CDH13: variants seen among roughly 807,000 people sequenced by gnomAD.
CDH13 encodes cadherin 13.
Under a neutral mutation model 63.8 loss-of-function variants are expected in CDH13, and 24 were observed. The ratio of observed to expected loss-of-function variants is 0.38; its 90% CI spans 0.27 to 0.53. The LOEUF is 0.53. CDH13 is among the 20% of genes least tolerant of loss of function. The probability of loss-of-function intolerance (pLI) is 0.85; values close to 1 mark genes in which losing one functional copy is unlikely to be tolerated. For missense variants in CDH13, 1,049 were observed against 903.1 expected (o/e 1.16, Z -2.07); for synonymous variants, 503 against 355.3 (o/e 1.42, Z -4.67).
rs1365644782 is a variant in CDH13, at chr16:83,799,352, A to G, written c.*4322A>G. On this transcript the variant is annotated 3_prime_UTR_variant, in exon 14 of 14. Transcript: ENST00000567109. The stretch of plus-strand genomic sequence containing the variant: ...AAAGGAAATTTATGAACTCCAGAGT[A>G]CCCATTCACTACCAAACCAACTGAG... 4.6e-5 allele frequency: 7 copies of G among 151,862 alleles called. No individual in the cohort carries two copies. Among genetic ancestry groups the G allele is most frequent in the Non-Finnish European group, 1.0e-4 (7 of 68,054 alleles). The allele number at this position is 151,862 out of a possible 1,614,324, so 9.4% of individuals were successfully genotyped here.
chr16:83,629,391 T>C (rs1910586695), intron 8 of CDH13, among the ~76,000 whole-genome samples: 1 of 152,230 alleles, frequency 6.6e-6, no homozygotes, highest in Non-Finnish European at 1.5e-5. Context: ...ACTGTTATTT[T>C]ATAAATGAAT....
chr16:83,505,917 T>C (rs1255203751), intron 7 of CDH13, among the ~76,000 whole-genome samples: 2 of 152,220 alleles, frequency 1.3e-5, no homozygotes, highest in African/African-American at 2.4e-5. Flanking sequence ...AGCATGTTCC[T>C]TCCTTCAACA....
Position 82,860,404 on chromosome 16 carries a change from G to A in CDH13, c.157+1931G>A, listed in dbSNP as rs577603479. On this transcript the variant is annotated intron_variant, in intron 2 of 13. Transcript: ENST00000567109. ...GTGTGTGTGTGGGGGGGGGGGCGGC[G>A]GTGTGCGTGTGTGCTTTAATCCCCT... 2.2e-3 allele frequency among the ~76,000 whole-genome samples: 319 copies of A among 146,708 alleles called. 2 individuals are homozygous for A. The highest frequency in any genetic ancestry group is 3.7e-3 in the Non-Finnish European group (247 of 66,448).
intron 7 of CDH13, among the ~76,000 whole-genome samples, chr16:83,539,579 G>C (rs1359542490): frequency 6.6e-6 from 1 of 152,216 alleles, no homozygotes; most frequent in Non-Finnish European, 1.5e-5. Flanking sequence ...GCACAGAGAT[G>C]AGCATGAGGG....
At chr16:83,277,217 C>G (rs2089019549) in intron 5 of CDH13, among the ~76,000 whole-genome samples, 1 of 152,186 alleles carries the variant, frequency 6.6e-6, no homozygotes, top group Non-Finnish European at 1.5e-5. Context: ...GAGAGGTTTT[C>G]TCACTCATGG....
At chr16:83,728,174 C>G (rs567356530) in intron 10 of CDH13, among the ~76,000 whole-genome samples, 48 of 152,248 alleles carry the variant, frequency 3.2e-4, no homozygotes, top group Non-Finnish European at 5.9e-4. Context: ...ACGTCTCTGT[C>G]TCAGAGTCTA....
intron 7 of CDH13, among the ~76,000 whole-genome samples, chr16:83,544,630 A>G (rs561117063): frequency 1.3e-5 from 2 of 152,304 alleles, no homozygotes; most frequent in East Asian, 1.9e-4. Flanking sequence ...CCAGAAAAAG[A>G]CTAGAATTCA....
chr16:83,748,475 C>G (rs1912796492), intron 11 of CDH13, among the ~76,000 whole-genome samples: 2 of 152,084 alleles, frequency 1.3e-5, no homozygotes, highest in Non-Finnish European at 2.9e-5. Context: ...GGTGAGAGGT[C>G]AGAGCAATGA....
At chr16:83,737,245 G>A (rs16961552) in intron 10 of CDH13, among the ~76,000 whole-genome samples, 3,893 of 152,218 alleles carry the variant, frequency 0.026, 146 homozygotes, top group African/African-American at 0.086. Context: ...TTATTAGTGA[G>A]CGCTGTTAGA....
chr16:83,578,413 C>G (rs1215168892), intron 7 of CDH13, among the ~76,000 whole-genome samples: 9 of 152,054 alleles, frequency 5.9e-5, no homozygotes, highest in Admixed American at 5.9e-4. Context: ...TTTAAATAAC[C>G]CTGGAAGGTC....
intron 1 of CDH13, among the ~76,000 whole-genome samples, chr16:82,629,302 G>A (rs887633111): frequency 6.6e-6 from 1 of 152,328 alleles, no homozygotes; most frequent in South Asian, 2.1e-4. Context: ...TGAAATGATT[G>A]CCCTGAGAGG....
chr16:83,608,660 A>ATTTTTTTTT (rs754678790), intron 8 of CDH13, among the ~76,000 whole-genome samples: 8 of 109,916 alleles, frequency 7.3e-5, no homozygotes, highest in Non-Finnish European at 1.4e-4. Context: ...TAATTTTTGT[A>ATTTTTTTTT]TTTTTTTTTT....
chr16:83,249,701 G>C (rs9933905), intron 5 of CDH13, among the ~76,000 whole-genome samples: 150,621 of 152,272 alleles, frequency 0.99, 74,519 homozygotes, highest in Middle Eastern at 1. Context: ...TTAGGGATAT[G>C]TCTGTCTCCA....
At chr16:82,989,381 G>T (rs773242361) in intron 2 of CDH13, among the ~76,000 whole-genome samples, 33 of 152,196 alleles carry the variant, frequency 2.2e-4, no homozygotes, top group Non-Finnish European at 1.2e-4. Flanking sequence ...TGGAGGTGCT[G>T]TTCTGCCTTT....
chr16:83,711,098 A>G (rs772895707), intron 10 of CDH13, among the ~76,000 whole-genome samples: 2 of 152,222 alleles, frequency 1.3e-5, no homozygotes, highest in Non-Finnish European at 2.9e-5. Flanking sequence ...GCCACTGGAC[A>G]GTAGCCTGCG....
chr16:83,281,383 T>C (rs1439891140), intron 5 of CDH13, among the ~76,000 whole-genome samples: 1 of 152,232 alleles, frequency 6.6e-6, no homozygotes, highest in African/African-American at 2.4e-5. Context: ...TTGGTCTGGA[T>C]TAGGCTTTAC....
At chr16:83,673,207 A>G (rs535725643) in intron 9 of CDH13, among the ~76,000 whole-genome samples, 1 of 152,216 alleles carries the variant, frequency 6.6e-6, no homozygotes, top group Non-Finnish European at 1.5e-5. Context: ...ATAAAACCTA[A>G]TCCATACGAA....
chr16:83,745,517 G>A (rs976252032), intron 10 of CDH13, among the ~76,000 whole-genome samples: 4 of 152,218 alleles, frequency 2.6e-5, no homozygotes, highest in Non-Finnish European at 5.9e-5. Context: ...GGCTCTGGAT[G>A]GTGGCCAGGC....
Position 82,722,589 on chromosome 16 carries a change from T to C in CDH13, c.45+95452T>C, listed in dbSNP as rs181181349. ...GGGGATGGAGTCACCCTTATTTTCA[T>C]GGACCAAGTATGGAGAGTGAGGTGA... On this transcript the variant is annotated intron_variant, in intron 1 of 13. Coordinates refer to ENST00000567109, the MANE Select transcript of CDH13 (RefSeq NM_001257.5). Among the ~76,000 whole-genome samples the C allele has an allele frequency of 2.0e-5, 3 of 152,252 alleles. No homozygotes were observed. The East Asian group carries it at 5.8e-4, about 29-fold the overall frequency.
Sources: allele counts gnomAD v4.1 joint callset (sites outside exome capture counted in the v4.1 genomes callset), GRCh38; gene constraint gnomAD v4.1.1; transcripts MANE v1.5; gene names NCBI Gene and HGNC (gene_info 2026-07-23, HGNC 2026-07-21).